The following PTPRD variants were observed in gnomAD, a reference collection of about 807,000 sequenced individuals.
The protein encoded by PTPRD is receptor-type tyrosine-protein phosphatase delta.
Under a neutral mutation model 214.5 loss-of-function variants are expected in PTPRD, and 34 were observed. The observed-to-expected ratio is 0.16, with a 90% confidence interval of 0.12 to 0.21. The LOEUF is 0.21. Ranked by LOEUF, PTPRD falls within the 10% of genes least tolerant of loss-of-function variation. PTPRD has a pLI of 1.00. For synonymous variants in PTPRD, 1,128 were observed against 845.7 expected (o/e 1.33, Z -5.79); for missense variants, 2,545 against 2,398.7 (o/e 1.06, Z -1.27).
At chr9:10,273,218 C>T (rs1042489159) in intron 3 of PTPRD, among the ~76,000 whole-genome samples, 2 of 152,102 alleles carry the variant, frequency 1.3e-5, no homozygotes, top group Non-Finnish European at 2.9e-5. Context: ...CCCTTTTAGA[C>T]CAAATATAGT....
At chr9:8,558,780 C>T (rs1458297329) in intron 14 of PTPRD, among the ~76,000 whole-genome samples, 1 of 152,080 alleles carries the variant, frequency 6.6e-6, no homozygotes, top group Non-Finnish European at 1.5e-5. Context: ...CTTTATGACA[C>T]CTTATCTTAC....
intron 33 of PTPRD, among the ~76,000 whole-genome samples, chr9:8,454,276 AAACACATC>A (rs2096087064): frequency 6.6e-6 from 1 of 152,242 alleles, no homozygotes; most frequent in South Asian, 2.1e-4. Flanking sequence ...TCTGCTCTGT[AAACACATC>A]AACACACACA....
intron 12 of PTPRD, among the ~76,000 whole-genome samples, chr9:8,653,013 A>G (rs1265361252): frequency 6.6e-6 from 1 of 152,178 alleles, no homozygotes; most frequent in African/African-American, 2.4e-5. Context: ...ATAGTCACTA[A>G]TTTAATGAAA....
chr9:9,164,730 A>C (rs774051519), intron 10 of PTPRD, among the ~76,000 whole-genome samples: 28 of 152,130 alleles, frequency 1.8e-4, no homozygotes, highest in South Asian at 1.5e-3. Flanking sequence ...AATTTCTCCA[A>C]GGCTAGACAC....
chr9:8,459,553 G>T (rs1364370505), intron 33 of PTPRD, among the ~76,000 whole-genome samples: 3 of 151,966 alleles, frequency 2.0e-5, no homozygotes. Context: ...AAGACAGAAA[G>T]AATTTATAAG....
intron 9 of PTPRD, among the ~76,000 whole-genome samples, chr9:9,215,412 C>A (rs1434824623): frequency 6.6e-6 from 1 of 152,078 alleles, no homozygotes; most frequent in Non-Finnish European, 1.5e-5. Flanking sequence ...ACCCTGCCTA[C>A]CACACAGAAT....
At chr9:8,742,273 G>A (rs903444607) in intron 11 of PTPRD, among the ~76,000 whole-genome samples, 2 of 152,014 alleles carry the variant, frequency 1.3e-5, no homozygotes, top group African/African-American at 2.4e-5. Flanking sequence ...TGCACAACAT[G>A]ATGTTTGAAG....
At position 8,620,701 on chromosome 9, in the gene PTPRD, T is replaced by C. The variant is rs114241138; in HGVS notation, c.352+12616A>G. On this transcript the variant is annotated intron_variant, in intron 14 of 45. Transcript: ENST00000381196. The stretch of plus-strand genomic sequence containing the variant: ...GTGGATGTGTACTGCCTGTGTAGTA[T>C]TGTATGTTAAACAGTAAAGGAAAAA... 1.4e-3 allele frequency among the ~76,000 whole-genome samples: 218 copies of C among 152,124 alleles called. 2 individuals are homozygous for C. Among genetic ancestry groups the C allele is most frequent in the African/African-American group, 5.0e-3 (206 of 41,530 alleles).
At chr9:10,286,269 C>T (rs1016884222) in intron 3 of PTPRD, among the ~76,000 whole-genome samples, 4 of 151,852 alleles carry the variant, frequency 2.6e-5, no homozygotes, top group East Asian at 1.9e-4. Flanking sequence ...AGCAAAACCC[C>T]GTCTCTACAA....
chr9:8,730,330 G>A (rs1352401015), intron 12 of PTPRD, among the ~76,000 whole-genome samples: 1 of 152,124 alleles, frequency 6.6e-6, no homozygotes, highest in East Asian at 1.9e-4. Context: ...AATAAGGAAG[G>A]AGAATGAAGA....
chr9:9,285,078 G>A (rs1948935413), intron 9 of PTPRD, among the ~76,000 whole-genome samples: 1 of 151,712 alleles, frequency 6.6e-6, no homozygotes, highest in African/African-American at 2.4e-5. Flanking sequence ...CCACCACCTA[G>A]TATGTAATAT....
At chr9:9,525,989 T>C (rs943104367) in intron 8 of PTPRD, among the ~76,000 whole-genome samples, 1 of 152,194 alleles carries the variant, frequency 6.6e-6, no homozygotes, top group Non-Finnish European at 1.5e-5. Context: ...CCTGTGAGAA[T>C]AGCATCTTAA....
intron 11 of PTPRD, among the ~76,000 whole-genome samples, chr9:8,895,133 A>C (rs538810658): frequency 1.3e-5 from 2 of 152,364 alleles, no homozygotes; most frequent in East Asian, 3.9e-4. Flanking sequence ...TACCAATTAA[A>C]GAACTTTGCA....
At chr9:10,541,632 CTTTATA>C (rs2059138016) in intron 2 of PTPRD, among the ~76,000 whole-genome samples, 1 of 151,646 alleles carries the variant, frequency 6.6e-6, no homozygotes, top group Admixed American at 6.6e-5. Context: ...GTTTGTTATT[CTTTATA>C]TTTATTTTTT....
intron 3 of PTPRD, among the ~76,000 whole-genome samples, chr9:10,075,161 G>A (rs182184713): frequency 1.3e-5 from 2 of 151,998 alleles, no homozygotes; most frequent in South Asian, 2.1e-4. Flanking sequence ...AGTGAAATAA[G>A]GCTTGTATCT....
chr9:9,992,663 A>C (rs982203111), intron 4 of PTPRD, among the ~76,000 whole-genome samples: 3 of 152,170 alleles, frequency 2.0e-5, no homozygotes, highest in Admixed American at 6.5e-5. Flanking sequence ...ACATGGATGA[A>C]GCTGGAAACC....
At chr9:9,202,754 G>C (rs9987697) in intron 9 of PTPRD, among the ~76,000 whole-genome samples, 2 of 152,146 alleles carry the variant, frequency 1.3e-5, no homozygotes, top group Non-Finnish European at 2.9e-5. Context: ...TGCTCAGTTA[G>C]CACTGAACAC....
intron 3 of PTPRD, among the ~76,000 whole-genome samples, chr9:10,105,634 A>G (rs2098620024): frequency 6.6e-6 from 1 of 151,866 alleles, no homozygotes; most frequent in Non-Finnish European, 1.5e-5. Context: ...GCCAACCTGA[A>G]TTGGACCAGT....
chr9:8,742,713 G>C (rs1187520373), intron 11 of PTPRD, among the ~76,000 whole-genome samples: 1 of 152,092 alleles, frequency 6.6e-6, no homozygotes, highest in African/African-American at 2.4e-5. Context: ...CTTTTCCTTA[G>C]GATTATTTTA....
Sources: allele counts gnomAD v4.1 joint callset (sites outside exome capture counted in the v4.1 genomes callset), GRCh38; gene constraint gnomAD v4.1.1; transcripts MANE v1.5; gene names NCBI Gene and HGNC (gene_info 2026-07-23, HGNC 2026-07-21).